Variants in CUEDC2 observed in about 807,000 individuals in gnomAD.
CUEDC2 encodes the protein CUE domain containing 2, also known as CUE domain-containing protein 2.
In CUEDC2, 10 loss-of-function variants were observed where a neutral mutation model predicts 36.0. That is an observed-to-expected ratio of 0.28 (90% CI 0.17 to 0.47). CUEDC2 has a LOEUF of 0.47. Among genes scored for constraint, CUEDC2 ranks in the 20% least tolerant of loss-of-function variants. The pLI is 0.99. For synonymous variants in CUEDC2, 133 were observed against 141.8 expected (o/e 0.94, Z 0.44); for missense variants, 269 against 368.1 (o/e 0.73, Z 2.20).
Position 102,424,495 on chromosome 10 carries a change from T to C in CUEDC2, c.280+4A>G. The stretch of plus-strand genomic sequence containing the variant: ...CACTCAGGTGCCCAGAGCCCCAGAC[T>C]CACCTTTGTTCCTGGCATCGCTCAG... On this transcript the variant is annotated splice_donor_region_variant and intron_variant, in intron 4 of 8. Coordinates refer to ENST00000369937, the MANE Select transcript of CUEDC2 (RefSeq NM_024040.3). The surrounding 1 kb of genome is among the most constrained non-coding windows in gnomAD (Gnocchi z 4.2). The C allele has an allele frequency of 6.2e-7, 1 of 1,614,086 alleles. No individual in the cohort carries two copies. The highest frequency in any genetic ancestry group is 8.5e-7 in the Non-Finnish European group (1 of 1,179,996).
chr10:102,424,390 G>A lies in CUEDC2; in HGVS notation c.285C>T (p.Asn95=). 2.5e-6 allele frequency: 4 copies of A among 1,614,080 alleles called. No individual in the cohort carries two copies. The highest frequency in any genetic ancestry group is 3.4e-6 in the Non-Finnish European group (4 of 1,179,968). The change falls in exon 5 of 9, where the codon AAC becomes AAT. Residue 95 remains asparagine (N), a synonymous_variant. Transcript: ENST00000369937. The surrounding 1 kb of genome is among the most constrained non-coding windows in gnomAD (Gnocchi z 4.2). ...GGACACCAGAGCTCTGCGGTTGCAG[G>A]TTCTCTTAAAGAGGCAAAGAGAGCA... is the stretch of plus-strand genomic sequence containing the variant. ...GQLSDARNKE[N]LQPQSSGVQG... is the part of the protein sequence containing the mutation.
chr10:102,430,947 T>C (rs1042635481), intron 1 of CUEDC2, among the ~76,000 whole-genome samples: 1 of 152,312 alleles, frequency 6.6e-6, no homozygotes, highest in Non-Finnish European at 1.5e-5. Context: ...TGGTTGATGG[T>C]GTCTACCAAA....
chr10:102,425,242 C>T (rs2061591884), intron 1 of CUEDC2, 44 bp from the exon 2 acceptor site: 2 of 1,482,474 alleles, frequency 1.3e-6, no homozygotes, highest in Admixed American at 1.7e-5. Context: ...TTCTGCCTGC[C>T]CCCACCCACT....
chr10:102,423,408 C>A lies in CUEDC2; in HGVS notation c.*18G>T. The A allele has an allele frequency of 6.2e-7, 1 of 1,614,160 alleles. No homozygotes were observed. Among genetic ancestry groups the A allele is most frequent in the Non-Finnish European group, 8.5e-7 (1 of 1,180,016 alleles). ...GGGATCTGAGCCTAGAAGGCTCGGG[C>A]AGAGTCCGGCGAGTGCCTCAATGGA... On this transcript the variant is annotated 3_prime_UTR_variant, in exon 9 of 9. Transcript: ENST00000369937. This position sits in a 1 kb window ranked among gnomAD's most constrained non-coding sequence, Gnocchi z 5.6.
At chr10:102,426,688 G>A (rs2061597905) in intron 1 of CUEDC2, among the ~76,000 whole-genome samples, 1 of 152,038 alleles carries the variant, frequency 6.6e-6, no homozygotes, top group African/African-American at 2.4e-5. Flanking sequence ...CTGGAGTGCA[G>A]TGGTATGATC....
intron 1 of CUEDC2, among the ~76,000 whole-genome samples, chr10:102,429,102 T>C (rs2061607906): frequency 6.6e-6 from 1 of 152,096 alleles, no homozygotes; most frequent in South Asian, 2.1e-4. Flanking sequence ...ACATCACCCC[T>C]GACCTAGAAC....
intron 1 of CUEDC2, among the ~76,000 whole-genome samples, chr10:102,429,265 C>T (rs1311737005): frequency 6.6e-6 from 1 of 151,998 alleles, no homozygotes; most frequent in Admixed American, 6.6e-5. Flanking sequence ...CTGACATTCA[C>T]CAGTGTATAC....
chr10:102,431,869 T>C (rs1325793122), intron 1 of CUEDC2, among the ~76,000 whole-genome samples: 1 of 151,900 alleles, frequency 6.6e-6, no homozygotes, highest in Non-Finnish European at 1.5e-5. Flanking sequence ...CAAATTTAAG[T>C]GAGAGTGGGG....
At chr10:102,425,829 C>G (rs1166630941) in intron 1 of CUEDC2, among the ~76,000 whole-genome samples, 1 of 152,040 alleles carries the variant, frequency 6.6e-6, no homozygotes, top group Non-Finnish European at 1.5e-5. Flanking sequence ...CTGGCCCTCT[C>G]CCAGCTCTCC....
Position 102,424,328 on chromosome 10 carries a change from C to T in CUEDC2, c.347G>A (p.Arg116Gln), listed in dbSNP as rs550946332. Residue 116 changes from arginine to glutamine, a missense_variant, in exon 5 of 9, where the codon CGG (arginine) becomes CAG (glutamine). By Grantham distance (43) the Arg-to-Gln change is conservative. Transcript: ENST00000369937. This position sits in a 1 kb window ranked among gnomAD's most constrained non-coding sequence, Gnocchi z 4.2. ...QVPISPEPLQRPEMLKEETRS... is the reference protein window; with the variant it reads ...QVPISPEPLQQPEMLKEETRS... ...AGTCTCTTCTTTGAGCATTTCGGGCCGCTGCAGGGGCTCTGGGGAGATGGG... is the reference window on the plus strand; with the variant it reads ...AGTCTCTTCTTTGAGCATTTCGGGCTGCTGCAGGGGCTCTGGGGAGATGGG... 8.9e-5 allele frequency: 144 copies of T among 1,614,138 alleles called. 3 individuals carry two copies. In the South Asian group the frequency reaches 1.1e-3, roughly 12 times the overall value.
chr10:102,425,914 G>A (rs565431863), intron 1 of CUEDC2, among the ~76,000 whole-genome samples: 1 of 152,084 alleles, frequency 6.6e-6, no homozygotes, highest in South Asian at 2.1e-4. Context: ...GCTTCCTCCT[G>A]TCTGTGTCCT....
intron 2 of CUEDC2, 79 bp downstream of exon 2, chr10:102,425,036 C>T (rs2135470950): frequency 7.9e-7 from 1 of 1,263,670 alleles, no homozygotes; most frequent in Non-Finnish European, 1.1e-6. Context: ...GCTGTCTTTC[C>T]ATCAGCCAGT....
chr10:102,429,849 C>T lies in CUEDC2; in HGVS notation c.-11+2677G>A, dbSNP rs181460858. ...TTTTTTTTTTTTTGAGACGGAGTTTCGCTCTTGTTGCCCAGGCTGGAGTGC... is the reference window on the plus strand; with the variant it reads ...TTTTTTTTTTTTTGAGACGGAGTTTTGCTCTTGTTGCCCAGGCTGGAGTGC... On this transcript the variant is annotated intron_variant, in intron 1 of 8. Transcript: ENST00000369937. 2.6e-3 allele frequency among the ~76,000 whole-genome samples: 387 copies of T among 147,722 alleles called. 1 individual carries two copies. The highest frequency in any genetic ancestry group is 5.9e-3 in the African/African-American group (234 of 39,998).
In CUEDC2 at chr10:102,423,870, G is replaced by A; in HGVS notation, c.595-11C>T. 4 of 1,611,360 alleles carry A rather than the reference G, an allele frequency of 2.5e-6. No individual in the cohort carries two copies. The highest frequency in any genetic ancestry group is 2.2e-5 in the South Asian group (2 of 90,784). ...GCGTCTGGGCAGGTCCTGCAGAGAG[G>A]GGAGGCCTGGTCTAGGCCCAAGGGC... On this transcript the variant is annotated splice_polypyrimidine_tract_variant and intron_variant, in intron 6 of 8. Transcript: ENST00000369937. This position sits in a 1 kb window ranked among gnomAD's most constrained non-coding sequence, Gnocchi z 5.6.
At position 102,424,766 on chromosome 10, in the gene CUEDC2, TAGG is replaced by T; in HGVS notation, c.98_100del (p.Ser33del). 6.2e-7 allele frequency: 1 copy of T among 1,613,558 alleles called. No individual in the cohort carries two copies. Among genetic ancestry groups the T allele is most frequent in the Non-Finnish European group, 8.5e-7 (1 of 1,179,926 alleles). ...CAGGTCCTCCAGGACCCCAAGCACA[TAGG>T]AGAAGATGACCTCATCCAAGCCACT... On this transcript the variant is annotated inframe_deletion, in exon 3 of 9. Coordinates refer to ENST00000369937, the MANE Select transcript of CUEDC2 (RefSeq NM_024040.3). This position sits in a 1 kb window ranked among gnomAD's most constrained non-coding sequence, Gnocchi z 4.2.
intron 1 of CUEDC2, among the ~76,000 whole-genome samples, chr10:102,432,003 G>A (rs909987325): frequency 9.2e-5 from 14 of 152,082 alleles, no homozygotes; most frequent in Admixed American, 9.2e-4. Flanking sequence ...TCTCAGGGAG[G>A]CAGCAAGGGG....
chr10:102,432,431 G>GT (rs1334854584), intron 1 of CUEDC2, 95 bp downstream of exon 1: 2 of 152,502 alleles, frequency 1.3e-5, no homozygotes, highest in African/African-American at 4.8e-5. Flanking sequence ...GGGCCCCGGG[G>GT]GGGGTACCGT....
In CUEDC2 at chr10:102,432,361, T is replaced by C. The variant is rs2061619542; in HGVS notation, c.-11+165A>G. Among the ~76,000 whole-genome samples, 5 of 152,050 alleles carry C rather than the reference T, an allele frequency of 3.3e-5. No individual in the cohort carries two copies. The South Asian group carries it at 1.0e-3, about 31-fold the overall frequency. ...TGGAGGACACATGACGAGGCAGGCCTGAGCAAACTGGATGTGCCTTGATAC... is the reference window on the plus strand; with the variant it reads ...TGGAGGACACATGACGAGGCAGGCCCGAGCAAACTGGATGTGCCTTGATAC... On this transcript the variant is annotated intron_variant, in intron 1 of 8. Coordinates refer to ENST00000369937, the MANE Select transcript of CUEDC2 (RefSeq NM_024040.3).
chr10:102,431,203 G>A (rs1188143986), intron 1 of CUEDC2, among the ~76,000 whole-genome samples: 6 of 152,130 alleles, frequency 3.9e-5, no homozygotes, highest in Admixed American at 1.3e-4. Context: ...GCAGTGGTGC[G>A]ATCTCAGCTC....
Sources: gnomAD v4.1 joint callset for allele counts (sites outside exome capture counted in the v4.1 genomes callset) on GRCh38, gnomAD v4.1.1 for gene constraint, Gnocchi (gnomAD v3.1) non-coding constraint, MANE v1.5 for transcripts, NCBI Gene and HGNC (gene_info 2026-07-23, HGNC 2026-07-21) for gene names.